Variants in ZNF710 observed in about 807,000 individuals in gnomAD.
ZNF710 encodes zinc finger protein 710.
A neutral mutation model predicts 50.6 loss-of-function variants in ZNF710; 13 were observed. The observed-to-expected ratio is 0.26, with a 90% confidence interval of 0.17 to 0.41. The LOEUF (loss-of-function observed/expected upper bound fraction) is 0.41. Ranked by LOEUF, ZNF710 falls within the 10% of genes least tolerant of loss-of-function variation. The probability of loss-of-function intolerance (pLI) is 1.00; values close to 1 mark genes in which losing one functional copy is unlikely to be tolerated. For missense variants in ZNF710, 721 were observed against 936.6 expected (o/e 0.77, Z 3.01); for synonymous variants, 383 against 397.0 (o/e 0.96, Z 0.42).
intron 1 of ZNF710, among the ~76,000 whole-genome samples, chr15:90,033,061 A>C (rs1898995981): frequency 6.6e-6 from 1 of 152,198 alleles, no homozygotes; most frequent in Admixed American, 6.5e-5. Context: ...TGGGCCATGC[A>C]CCAGTGCTGT....
chr15:90,021,761 G>A (rs1350412833), intron 1 of ZNF710, among the ~76,000 whole-genome samples: 2 of 152,188 alleles, frequency 1.3e-5, no homozygotes, highest in Non-Finnish European at 2.9e-5. Context: ...GCTTGGTGGA[G>A]GTGGTGTCTA....
intron 1 of ZNF710, among the ~76,000 whole-genome samples, chr15:90,061,269 C>G (rs1313629681): frequency 6.6e-6 from 1 of 152,156 alleles, no homozygotes; most frequent in African/African-American, 2.4e-5. Context: ...CTCCTGGGCT[C>G]AAGCGATTCT....
Position 90,067,068 on chromosome 15 carries a change from G to A in ZNF710, c.-28-42G>A. 1 of 1,527,516 alleles carries A rather than the reference G, an allele frequency of 6.5e-7. No homozygotes were observed. The highest frequency in any genetic ancestry group is 8.8e-7 in the Non-Finnish European group (1 of 1,138,044). 94.6% of individuals were successfully genotyped at this position (1,527,516 alleles called of 1,614,324 possible). A position where few individuals can be genotyped will look rare whatever the true frequency, so the allele number is the denominator to read the frequency against. On this transcript the variant is annotated intron_variant, in intron 1 of 4. Transcript: ENST00000268154. This position sits in a 1 kb window ranked among gnomAD's most constrained non-coding sequence, Gnocchi z 8.1. The stretch of plus-strand genomic sequence containing the variant: ...GCTGTGTCTGTTGTCTGTCTGTGCA[G>A]GAGTGAGCCAGCAATATTAACCTTC...
intron 1 of ZNF710, among the ~76,000 whole-genome samples, chr15:90,046,047 G>T (rs1392042316): frequency 6.6e-6 from 1 of 152,140 alleles, no homozygotes; most frequent in East Asian, 1.9e-4. Flanking sequence ...TCCAGCCAGG[G>T]TTCCCAGGGG....
intron 1 of ZNF710, among the ~76,000 whole-genome samples, chr15:90,022,561 C>T (rs1454719115): frequency 1.3e-5 from 2 of 152,146 alleles, no homozygotes; most frequent in African/African-American, 4.8e-5. Context: ...CCTGGGAGGC[C>T]ACTAGTGGGT....
At chr15:90,058,728 T>TGTACATGTAC (rs1899911234) in intron 1 of ZNF710, among the ~76,000 whole-genome samples, 5 of 145,936 alleles carry the variant, frequency 3.4e-5, no homozygotes, top group African/African-American at 1.1e-4. Context: ...TACACACATA[T>TGTACATGTAC]ACACACACAC....
Position 90,067,375 on chromosome 15 carries a change from G to C in ZNF710, c.238G>C (p.Ala80Pro). The C allele has an allele frequency of 6.3e-7, 1 of 1,596,812 alleles. No homozygotes were observed. Among genetic ancestry groups the C allele is most frequent in the South Asian group, 1.1e-5 (1 of 88,956 alleles). Residue 80 changes from alanine (A) to proline (P), a missense_variant, in exon 2 of 5, where the codon GCG becomes CCG. By Grantham distance (27) the Ala-to-Pro change is conservative (BLOSUM62 -1). Transcript: ENST00000268154. This position sits in a 1 kb window ranked among gnomAD's most constrained non-coding sequence, Gnocchi z 8.1. Reference sequence around the variant, plus strand: ...CAACGGGAGGGCCTTGGAGGAGCCGGCGGAGGAGGAGGTGCTGGAGGTGGA... The same window carrying C: ...CAACGGGAGGGCCTTGGAGGAGCCGCCGGAGGAGGAGGTGCTGGAGGTGGA... ...ACNGRALEEP[A>P]EEEVLEVEAA...
intron 1 of ZNF710, among the ~76,000 whole-genome samples, chr15:90,008,456 A>ATATATATATACATGTATATATATGTG (rs1898210741): frequency 7.0e-6 from 1 of 143,402 alleles, no homozygotes; most frequent in Non-Finnish European, 1.5e-5. Flanking sequence ...ATATATATGT[A>ATATATATATACATGTATATATATGTG]TATATATATA....
At chr15:90,046,766 G>A (rs1261192928) in intron 1 of ZNF710, among the ~76,000 whole-genome samples, 1 of 152,188 alleles carries the variant, frequency 6.6e-6, no homozygotes, top group African/African-American at 2.4e-5. Flanking sequence ...GGAAAAGGCT[G>A]TCCTCCCTCT....
At chr15:90,008,569 G>A (rs1898215979) in intron 1 of ZNF710, among the ~76,000 whole-genome samples, 1 of 150,556 alleles carries the variant, frequency 6.6e-6, no homozygotes, top group Non-Finnish European at 1.5e-5. Flanking sequence ...GATTGCTTGA[G>A]CCCAGGAGTT....
chr15:90,061,974 G>C (rs570511906), intron 1 of ZNF710, among the ~76,000 whole-genome samples: 16 of 152,034 alleles, frequency 1.1e-4, no homozygotes, highest in Non-Finnish European at 2.1e-4. Flanking sequence ...AAGGTCCCCT[G>C]CTGGCCCCCA....
rs565469574 is a variant in ZNF710, at chr15:90,034,998, C to T, written c.-28-32112C>T. On this transcript the variant is annotated intron_variant, in intron 1 of 4. Coordinates refer to ENST00000268154, the MANE Select transcript of ZNF710 (RefSeq NM_198526.4). The surrounding 1 kb of genome is among the most constrained non-coding windows in gnomAD (Gnocchi z 4.0). ...GGGTGTCTGGAGGGCCTCTGCCTTCCGTCATCAGAAGGAGGTTCTAGCAAG... is the reference window on the plus strand; with the variant it reads ...GGGTGTCTGGAGGGCCTCTGCCTTCTGTCATCAGAAGGAGGTTCTAGCAAG... 3.9e-5 allele frequency among the ~76,000 whole-genome samples: 6 copies of T among 152,332 alleles called. No homozygotes were observed. The highest frequency in any genetic ancestry group is 2.1e-4 in the South Asian group (1 of 4,828).
At chr15:90,021,014 C>G (rs1376270889) in intron 1 of ZNF710, among the ~76,000 whole-genome samples, 7 of 105,124 alleles carry the variant, frequency 6.7e-5, no homozygotes, top group Middle Eastern at 9.1e-3. Context: ...GTGGCACCCC[C>G]CCCCCCTTAG....
chr15:90,038,999 C>T (rs560799190), intron 1 of ZNF710, among the ~76,000 whole-genome samples: 11 of 152,288 alleles, frequency 7.2e-5, no homozygotes, highest in African/African-American at 2.4e-4. Context: ...ATGCTTCCTG[C>T]CAGGTGAGGT....
At chr15:90,036,294 A>G (rs1375582427) in intron 1 of ZNF710, among the ~76,000 whole-genome samples, 1 of 127,212 alleles carries the variant, frequency 7.9e-6, no homozygotes, top group African/African-American at 3.0e-5. Flanking sequence ...TATCTGGGGG[A>G]ACCCCTTTCA....
rs1426074393 is a variant in ZNF710 at position 90,068,025 on chromosome 15, G to C, written c.888G>C (p.Gln296His). The change falls in exon 2 of 5, where the codon CAG becomes CAC. Residue 296 changes from glutamine to histidine, a missense_variant. Coordinates refer to ENST00000268154, the MANE Select transcript of ZNF710 (RefSeq NM_198526.4). This position sits in a 1 kb window ranked among gnomAD's most constrained non-coding sequence, Gnocchi z 5.0. ...CGGGCGACCGCCAGAAGCGCTGGCAGTGCCGCATGTGCGAGAAGTCCTACA... is the reference window on the plus strand; with the variant it reads ...CGGGCGACCGCCAGAAGCGCTGGCACTGCCGCATGTGCGAGAAGTCCTACA... ...VEAGDRQKRW[Q>H]CRMCEKSYTS... 6.2e-7 allele frequency: 1 copy of C among 1,614,222 alleles called. No individual in the cohort carries two copies. The highest frequency in any genetic ancestry group is 8.5e-7 in the Non-Finnish European group (1 of 1,180,042).
rs1369969062 is a variant in ZNF710, at chr15:90,067,225, G to A, written c.88G>A (p.Glu30Lys). The A allele has an allele frequency of 6.8e-6, 11 of 1,613,654 alleles. No individual in the cohort carries two copies. The highest frequency in any genetic ancestry group is 8.5e-6 in the Non-Finnish European group (10 of 1,179,882). Reference sequence around the variant, plus strand: ...GGCCGCCGTGCTTGGCCTGGTCTCCGAAAATGAGCTCTTTGGAGCTACCAT... The same window carrying A: ...GGCCGCCGTGCTTGGCCTGGTCTCCAAAAATGAGCTCTTTGGAGCTACCAT... Reference protein sequence around the residue: ...AQAAVLGLVSENELFGATISA... With the variant: ...AQAAVLGLVSKNELFGATISA... The change falls in exon 2 of 5, where the codon GAA (glutamate) becomes AAA (lysine). Residue 30 changes from glutamate to lysine, a missense_variant. Transcript: ENST00000268154. This position sits in a 1 kb window ranked among gnomAD's most constrained non-coding sequence, Gnocchi z 8.1.
intron 1 of ZNF710, among the ~76,000 whole-genome samples, chr15:90,048,532 G>A (rs1309003544): frequency 6.6e-6 from 1 of 152,228 alleles, no homozygotes; most frequent in Non-Finnish European, 1.5e-5. Context: ...GTCGGGGCCA[G>A]CACGGGGCAG....
intron 1 of ZNF710, among the ~76,000 whole-genome samples, chr15:90,058,412 G>C (rs898601126): frequency 1.3e-5 from 2 of 152,166 alleles, no homozygotes; most frequent in African/African-American, 2.4e-5. Context: ...GGAGTGAGGT[G>C]CTCAGAGAAG....
Sources: allele counts gnomAD v4.1 joint callset (sites outside exome capture counted in the v4.1 genomes callset), GRCh38; gene constraint gnomAD v4.1.1; non-coding constraint Gnocchi (gnomAD v3.1); transcripts MANE v1.5; gene names NCBI Gene and HGNC (gene_info 2026-07-23, HGNC 2026-07-21).